SPEG: variants seen among roughly 807,000 people sequenced by gnomAD.
The protein encoded by SPEG is striated muscle enriched protein kinase.
Under a neutral mutation model 300.4 loss-of-function variants are expected in SPEG, and 114 were observed. The observed-to-expected ratio is 0.38, with a 90% CI of 0.33 to 0.44. The LOEUF is 0.44. Among genes scored for constraint, SPEG ranks in the 20% least tolerant of loss-of-function variants. The pLI is 1.00. For synonymous variants in SPEG, 1,964 were observed against 2,018.9 expected (o/e 0.97, Z 0.73); for missense variants, 4,201 against 4,586.2 (o/e 0.92, Z 2.43).
chr2:219,477,745 A>G lies in SPEG; in HGVS notation c.4786A>G (p.Arg1596Gly). The G allele has an allele frequency of 6.2e-7, 1 of 1,609,562 alleles. No homozygotes were observed. Among genetic ancestry groups the G allele is most frequent in the Non-Finnish European group, 8.5e-7 (1 of 1,177,110 alleles). ...VGEDEDHRGR[R>G]LSDFYDIHQE... The stretch of plus-strand genomic sequence containing the variant: ...GGAGGATGAGGACCATCGAGGAAGG[A>G]GACTCAGCGACTTTTATGACATCCA... The change falls in exon 21 of 41, where the codon AGA becomes GGA. Residue 1596 changes from arginine to glycine, a missense_variant. Around this residue, in one of 4 missense-constraint regions of SPEG, gnomAD observed 1,047 missense variants for 1,356.8 expected, o/e 0.77. Coordinates refer to ENST00000312358, the MANE Select transcript of SPEG (RefSeq NM_005876.5). The surrounding 1 kb of genome is among the most constrained non-coding windows in gnomAD (Gnocchi z 6.4).
Position 219,477,264 on chromosome 2 carries a change from C to T in SPEG, c.4561-13C>T. 6.2e-7 allele frequency: 1 copy of T among 1,603,372 alleles called. No homozygotes were observed. Among genetic ancestry groups the T allele is most frequent in the Non-Finnish European group, 8.5e-7 (1 of 1,176,390 alleles). On this transcript the variant is annotated splice_polypyrimidine_tract_variant and intron_variant, in intron 19 of 40. Transcript: ENST00000312358. The surrounding 1 kb of genome is among the most constrained non-coding windows in gnomAD (Gnocchi z 6.4). ...GGCCAGGCCCAGGCTGAAGGTGAGA[C>T]CCCACTCTGCAGGACGAGGTGCTGC...
At chr2:219,487,241 T>C (rs1457513133) in intron 31 of SPEG, among the ~76,000 whole-genome samples, 3 of 152,050 alleles carry the variant, frequency 2.0e-5, no homozygotes, top group Admixed American at 1.3e-4. Context: ...GGAAAACTGG[T>C]CGCATCCCTA....
In SPEG at chr2:219,483,709, C is replaced by T; in HGVS notation, c.6246C>T (p.Gly2082=). The part of the protein sequence containing the change: ...QRLLRGGPED[G]KVSGLRGPLL... ...TGCTGCGGGGAGGCCCCGAGGATGG[C>T]AAGGTCAGCGGCCTCAGGGGTCCCC... The change falls in exon 30 of 41, where the codon GGC becomes GGT. Residue 2082 remains glycine, a synonymous_variant. Transcript: ENST00000312358. The T allele has an allele frequency of 6.5e-7, 1 of 1,534,394 alleles. No individual in the cohort carries two copies. Among genetic ancestry groups the T allele is most frequent in the Non-Finnish European group, 8.7e-7 (1 of 1,146,876 alleles).
rs1559390894 is a variant in SPEG, at chr2:219,465,920, TGTGCGCGCGTGTGCGTGCAC to T, written c.2882-1250_2882-1231del. ...GTATGGGTGTGTGCATGCGTGTGTG[TGTGCGCGCGTGTGCGTGCAC>T]GTGTGCGTGCATGTGTGCGTGTGCA... is the stretch of plus-strand genomic sequence containing the variant. On this transcript the variant is annotated intron_variant, in intron 9 of 40. Transcript: ENST00000312358. 4 of 714,204 alleles carry T rather than the reference TGTGCGCGCGTGTGCGTGCAC, an allele frequency of 5.6e-6. No homozygotes were observed. The African/African-American group carries it at 6.9e-5, about 12-fold the overall frequency. The allele number at this position is 714,204 out of a possible 1,614,324, so 44.2% of individuals were successfully genotyped here.
chr2:219,468,805 A>G, intron 11 of SPEG, 54 bp from the exon 12 acceptor site: 1 of 1,607,330 alleles, frequency 6.2e-7, no homozygotes. Flanking sequence ...GTGCACCCAG[A>G]GGGCAGGGCC....
Position 219,481,428 on chromosome 2 carries a change from C to T in SPEG, c.5494C>T (p.Leu1832Phe), listed in dbSNP as rs1692829222. The T allele has an allele frequency of 6.2e-7, 1 of 1,614,048 alleles. No homozygotes were observed. Among genetic ancestry groups the T allele is most frequent in the Admixed American group, 1.7e-5 (1 of 60,008 alleles). The part of the protein sequence containing the change: ...LSLSREARGF[L>F]IKVLVQDRLR... ...CCTGAGCAGGGAGGCCCGGGGCTTC[C>T]TCATCAAAGTGTTGGTGCAGGACCG... The change falls in exon 27 of 41, where the codon CTC (leucine) becomes TTC (phenylalanine). Residue 1832 changes from leucine (L) to phenylalanine (F), a missense_variant. Leu to Phe is a conservative substitution (Grantham distance 22). Coordinates refer to ENST00000312358, the MANE Select transcript of SPEG (RefSeq NM_005876.5). This position sits in a 1 kb window ranked among gnomAD's most constrained non-coding sequence, Gnocchi z 5.4.
chr2:219,447,346 C>T (rs1689379696), intron 3 of SPEG, among the ~76,000 whole-genome samples: 1 of 152,172 alleles, frequency 6.6e-6, no homozygotes, highest in Non-Finnish European at 1.5e-5. Context: ...CATCCCGTTG[C>T]CACCTGCTGT....
At chr2:219,475,609 C>T (rs1260320426) in intron 18 of SPEG, among the ~76,000 whole-genome samples, 1 of 152,182 alleles carries the variant, frequency 6.6e-6, no homozygotes, top group Non-Finnish European at 1.5e-5. Flanking sequence ...TCCACTCAGT[C>T]ACCACTTTAC....
chr2:219,469,411 C>T lies in SPEG; in HGVS notation c.3715+32C>T, dbSNP rs770731607. The stretch of plus-strand genomic sequence containing the variant: ...GTCTGGGAAGTTCCCCGGGAGTGTC[C>T]CCTGCAGCACCCACTTGGCTTGCAA... On this transcript the variant is annotated intron_variant, in intron 13 of 40. Transcript: ENST00000312358. 3.1e-5 allele frequency: 48 copies of T among 1,541,114 alleles called. No homozygotes were observed. The Middle Eastern group carries it at 6.7e-4, about 22-fold the overall frequency.
chr2:219,436,823 G>A (rs1457304335), intron 1 of SPEG, among the ~76,000 whole-genome samples: 3 of 152,362 alleles, frequency 2.0e-5, no homozygotes, highest in Non-Finnish European at 2.9e-5. Flanking sequence ...CGGAGCTGGG[G>A]AAGGTGTGGA....
At chr2:219,485,188 A>T in intron 30 of SPEG, 116 bp downstream of exon 30, 1 of 1,474,008 alleles carries the variant, frequency 6.8e-7, no homozygotes, top group Non-Finnish European at 9.2e-7. Flanking sequence ...TGAGGCCCCG[A>T]GGGTGGAATC....
chr2:219,441,775 G>A (rs1022396544), intron 1 of SPEG, among the ~76,000 whole-genome samples: 5 of 151,182 alleles, frequency 3.3e-5, no homozygotes, highest in Admixed American at 2.6e-4. Flanking sequence ...GGCAGGTGAG[G>A]GCCTCCCCGG....
rs1455298574 is a variant in SPEG, at chr2:219,443,420, A to T, written c.389-1233A>T. On this transcript the variant is annotated intron_variant, in intron 1 of 40. Transcript: ENST00000312358. The surrounding 1 kb of genome is among the most constrained non-coding windows in gnomAD (Gnocchi z 4.6). ...TGTGAGGCCTAATGGGAAGGAGTTC[A>T]TTGCCATGCTTTGGCAACCAGTACG... 4 of 517,466 alleles carry T rather than the reference A, an allele frequency of 7.7e-6. No individual in the cohort carries two copies. In the Admixed American group the frequency reaches 1.4e-4, roughly 18 times the overall value. 32.1% of individuals were successfully genotyped at this position (517,466 alleles called of 1,614,324 possible). A position where few individuals can be genotyped will look rare whatever the true frequency, so the allele number is the denominator to read the frequency against.
intron 18 of SPEG, 62 bp from the exon 19 acceptor site, chr2:219,476,808 G>A: frequency 7.5e-7 from 1 of 1,326,762 alleles, no homozygotes; most frequent in Non-Finnish European, 1.1e-6. Context: ...AGGGGCTGAG[G>A]AGGCAGGGTA....
Position 219,481,444 on chromosome 2 carries a change from T to C in SPEG, c.5510T>C (p.Val1837Ala). ...CGGGGCTTCCTCATCAAAGTGTTGG[T>C]GCAGGACCGGCTGTGAGTACAAGGC... ...EARGFLIKVLVQDRLRPTAEE... is the reference protein window; with the variant it reads ...EARGFLIKVLAQDRLRPTAEE... Residue 1837 changes from valine (V) to alanine (A), a missense_variant, in exon 27 of 41, where the codon GTG (valine) becomes GCG (alanine). Transcript: ENST00000312358. This position sits in a 1 kb window ranked among gnomAD's most constrained non-coding sequence, Gnocchi z 5.4. 1 of 1,614,142 alleles carries C rather than the reference T, an allele frequency of 6.2e-7. No homozygotes were observed.
intron 3 of SPEG, among the ~76,000 whole-genome samples, chr2:219,446,751 G>A (rs1689320020): frequency 6.6e-6 from 1 of 152,166 alleles, no homozygotes; most frequent in East Asian, 1.9e-4. Context: ...TCCCAGCTGT[G>A]TCACCTTGGT....
rs905790032 is a variant in SPEG at position 219,479,562 on chromosome 2, A to T, written c.5086-221A>T. On this transcript the variant is annotated intron_variant, in intron 23 of 40. Transcript: ENST00000312358. This position sits in a 1 kb window ranked among gnomAD's most constrained non-coding sequence, Gnocchi z 5.5. Reference sequence around the variant, plus strand: ...AGGCTGTACATGTTGTGCACTGCACAATTCTACTTATTACCACGCAATGGC... The same window carrying T: ...AGGCTGTACATGTTGTGCACTGCACTATTCTACTTATTACCACGCAATGGC... Among the ~76,000 whole-genome samples the T allele has an allele frequency of 1.3e-5, 2 of 152,188 alleles. No homozygotes were observed. Among genetic ancestry groups the T allele is most frequent in the Non-Finnish European group, 2.9e-5 (2 of 68,040 alleles).
Position 219,473,720 on chromosome 2 carries a change from T to C in SPEG, c.4272-8T>C, listed in dbSNP as rs1692095693. ...ATCTGGGTGACCTCCCTGTCATGTG[T>C]CCCCTAGCTGCCGAGGGGCCCTCCT... On this transcript the variant is annotated splice_polypyrimidine_tract_variant and splice_region_variant and intron_variant, in intron 17 of 40. Coordinates refer to ENST00000312358, the MANE Select transcript of SPEG (RefSeq NM_005876.5). This position sits in a 1 kb window ranked among gnomAD's most constrained non-coding sequence, Gnocchi z 4.6. 1.9e-6 allele frequency: 3 copies of C among 1,612,658 alleles called. No homozygotes were observed. Among genetic ancestry groups the C allele is most frequent in the South Asian group, 1.1e-5 (1 of 91,040 alleles).
intron 6 of SPEG, among the ~76,000 whole-genome samples, chr2:219,452,050 G>T (rs1300263119): frequency 6.6e-6 from 1 of 152,266 alleles, no homozygotes; most frequent in Non-Finnish European, 1.5e-5. Context: ...CATGAAGTCA[G>T]TGAAATTTGT....
Sources: allele counts gnomAD v4.1 joint callset (sites outside exome capture counted in the v4.1 genomes callset), GRCh38; gene constraint gnomAD v4.1.1; regional missense constraint gnomAD v4.1.1; non-coding constraint Gnocchi (gnomAD v3.1); transcripts MANE v1.5; gene names NCBI Gene and HGNC (gene_info 2026-07-23, HGNC 2026-07-21).